Variants in ANO3 observed in about 807,000 individuals in gnomAD.
ANO3 encodes anoctamin-3.
A neutral mutation model predicts 144.8 loss-of-function variants in ANO3; 99 were observed. That is an observed-to-expected ratio of 0.68 (90% CI 0.58 to 0.81). The LOEUF (loss-of-function observed/expected upper bound fraction) is 0.81. ANO3 is among the 30% of genes least tolerant of loss of function. ANO3 has a pLI of 0.00. For synonymous variants in ANO3, 414 were observed against 392.6 expected (o/e 1.05, Z -0.64); for missense variants, 905 against 1,202.2 (o/e 0.75, Z 3.66).
In ANO3 at chr11:26,537,411, C is replaced by T. The variant is rs570284825; in HGVS notation, c.982C>T (p.Arg328Cys). The T allele has an allele frequency of 2.0e-5, 32 of 1,612,858 alleles. No individual in the cohort carries two copies. In the East Asian group the frequency reaches 6.0e-4, roughly 30 times the overall value. The change falls in exon 10 of 27, where the codon CGT becomes TGT. Residue 328 changes from arginine (R) to cysteine (C), a missense_variant. Physicochemically the swap from Arg to Cys is radical, Grantham distance 180. Coordinates refer to ENST00000256737, the MANE Select transcript of ANO3 (RefSeq NM_031418.4). ...YENGISKVGI[R>C]KLINNGSYIA... is the part of the protein sequence containing the mutation. Reference sequence around the variant, plus strand: ...TCCTTTTCTTCTCTTTGCAGGTATCCGTAAACTTATAAACAATGGCTCATA... The same window carrying T: ...TCCTTTTCTTCTCTTTGCAGGTATCTGTAAACTTATAAACAATGGCTCATA...
chr11:26,537,005 A>G (rs61876963), intron 9 of ANO3, among the ~76,000 whole-genome samples: 94,791 of 140,892 alleles, frequency 0.67, 30,536 homozygotes, highest in East Asian at 0.82. Context: ...ATATCCTTTA[A>G]ATTTTTTTTT....
chr11:26,339,334 T>A (rs1212058430), intron 1 of ANO3, among the ~76,000 whole-genome samples: 1 of 152,084 alleles, frequency 6.6e-6, no homozygotes, highest in Non-Finnish European at 1.5e-5. Flanking sequence ...TTTGTATTTT[T>A]AGTAGAGATG....
chr11:26,359,532 C>A (rs915938692), intron 1 of ANO3, among the ~76,000 whole-genome samples: 2 of 151,896 alleles, frequency 1.3e-5, no homozygotes, highest in African/African-American at 4.8e-5. Flanking sequence ...CTTAAGGGGA[C>A]CTTGCAGATC....
intron 1 of ANO3, among the ~76,000 whole-genome samples, chr11:26,265,811 G>C (rs1169967080): frequency 1.3e-5 from 2 of 152,148 alleles, no homozygotes; most frequent in African/African-American, 4.8e-5. Flanking sequence ...CTTATGTATG[G>C]TGGCTTTTAA....
intron 1 of ANO3, among the ~76,000 whole-genome samples, chr11:26,339,793 A>G (rs1470936102): frequency 6.6e-6 from 1 of 152,170 alleles, no homozygotes; most frequent in Non-Finnish European, 1.5e-5. Flanking sequence ...AGCGTGAAAT[A>G]ATATTCTTAA....
intron 1 of ANO3, among the ~76,000 whole-genome samples, chr11:26,302,394 C>G (rs1025773387): frequency 2.6e-5 from 4 of 152,076 alleles, no homozygotes; most frequent in African/African-American, 9.7e-5. Flanking sequence ...ACTCAGGAGG[C>G]TGAGGCAGGA....
At chr11:26,289,206 G>A (rs1261050928) in intron 1 of ANO3, among the ~76,000 whole-genome samples, 1 of 151,858 alleles carries the variant, frequency 6.6e-6, no homozygotes, top group Admixed American at 6.6e-5. Context: ...AAAAGTAGCA[G>A]GAAACAGATA....
Position 26,599,591 on chromosome 11 carries a change from C to A in ANO3, c.1713C>A (p.Tyr571Ter). 1.9e-6 allele frequency: 3 copies of A among 1,614,038 alleles called. No homozygotes were observed. Among genetic ancestry groups the A allele is most frequent in the Non-Finnish European group, 2.5e-6 (3 of 1,179,984 alleles). Reference protein sequence around the residue: ...VITAVFGVVVYRLVVMEQFAS... With the variant: ...VITAVFGVVV ...CTGCAGTGTTTGGAGTTGTGGTGTA[C>A]CGCCTGGTTGTCATGGAACAGTTTG... is the stretch of plus-strand genomic sequence containing the variant. The change falls in exon 17 of 27, where the codon TAC (tyrosine) becomes TAA (stop). Residue 571 changes from tyrosine (Y) to a stop codon, truncating the protein, a stop_gained. Transcript: ENST00000256737. LOFTEE classifies it high-confidence loss of function.
chr11:26,239,078 AAAT>A (rs1237466522), intron 1 of ANO3, among the ~76,000 whole-genome samples: 2 of 150,348 alleles, frequency 1.3e-5, no homozygotes, highest in East Asian at 1.9e-4. Flanking sequence ...GATTAACTGT[AAAT>A]AATATTTACA....
intron 7 of ANO3, among the ~76,000 whole-genome samples, chr11:26,525,897 C>T (rs1423997448): frequency 6.6e-6 from 1 of 151,888 alleles, no homozygotes; most frequent in Non-Finnish European, 1.5e-5. Context: ...TGGAATCTTC[C>T]CATGTTATAA....
At chr11:26,548,872 G>A (rs12279543) in intron 12 of ANO3, among the ~76,000 whole-genome samples, 7,970 of 151,308 alleles carry the variant, frequency 0.053, 265 homozygotes, top group Admixed American at 0.096. Flanking sequence ...CCTCCTTTTC[G>A]GCATTTCCCC....
intron 1 of ANO3, among the ~76,000 whole-genome samples, chr11:26,300,813 G>A (rs1028642939): frequency 1.3e-5 from 2 of 150,966 alleles, no homozygotes; most frequent in African/African-American, 4.9e-5. Context: ...CACTACTGTT[G>A]CCTGGGTACT....
rs1013163855 is a variant in ANO3, at chr11:26,240,717, C to G, written c.154+51387C>G. On this transcript the variant is annotated intron_variant, in intron 1 of 27. Coordinates refer to the ANO3 transcript ENST00000672621. Reference sequence around the variant, plus strand: ...TAGTGTGAGTTAAATTTCACCTAAACTTAATATGTGATAGTGACTTGATAA... The same window carrying G: ...TAGTGTGAGTTAAATTTCACCTAAAGTTAATATGTGATAGTGACTTGATAA... Among the ~76,000 whole-genome samples, 8 of 152,112 alleles carry G rather than the reference C, an allele frequency of 5.3e-5. No individual in the cohort carries two copies. In the South Asian group the frequency reaches 8.3e-4, roughly 16 times the overall value.
intron 4 of ANO3, among the ~76,000 whole-genome samples, chr11:26,497,500 T>G (rs1410180026): frequency 6.6e-6 from 1 of 152,102 alleles, no homozygotes; most frequent in African/African-American, 2.4e-5. Flanking sequence ...AGACCGATGT[T>G]GTAAAAAGTT....
At chr11:26,298,736 T>C (rs946006684) in intron 1 of ANO3, among the ~76,000 whole-genome samples, 1 of 152,138 alleles carries the variant, frequency 6.6e-6, no homozygotes, top group African/African-American at 2.4e-5. Flanking sequence ...AGATGTACAA[T>C]AGATGGTGGC....
intron 1 of ANO3, among the ~76,000 whole-genome samples, chr11:26,231,141 T>C (rs1333873219): frequency 2.6e-5 from 4 of 152,114 alleles, no homozygotes; most frequent in Admixed American, 6.6e-5. Context: ...CCTCCCAAAG[T>C]GCTGGGATTA....
At chr11:26,650,394 C>T (rs1360289636) in intron 24 of ANO3, among the ~76,000 whole-genome samples, 2 of 152,248 alleles carry the variant, frequency 1.3e-5, no homozygotes, top group East Asian at 3.9e-4. Flanking sequence ...AATCTAGGTT[C>T]CGAGGGCAGT....
intron 1 of ANO3, among the ~76,000 whole-genome samples, chr11:26,284,726 C>G (rs1220498216): frequency 6.7e-6 from 1 of 150,106 alleles, no homozygotes; most frequent in Non-Finnish European, 1.5e-5. Context: ...GGTGAAACCC[C>G]GTCTCTACTA....
At chr11:26,600,708 A>G (rs917250247) in intron 17 of ANO3, among the ~76,000 whole-genome samples, 3 of 140,498 alleles carry the variant, frequency 2.1e-5, no homozygotes, top group South Asian at 4.5e-4. Context: ...GCTCTATTCT[A>G]TCAGGAAGAT....
Sources: gnomAD v4.1 joint callset for allele counts (sites outside exome capture counted in the v4.1 genomes callset) on GRCh38, gnomAD v4.1.1 for gene constraint, MANE v1.5 for transcripts, NCBI Gene and HGNC (gene_info 2026-07-23, HGNC 2026-07-21) for gene names.